The following PARVA variants were observed in gnomAD, a reference collection of about 807,000 sequenced individuals.
PARVA encodes the protein parvin alpha.
A neutral mutation model predicts 52.6 loss-of-function variants in PARVA; 25 were observed. The observed-to-expected ratio is 0.48, with a 90% CI of 0.35 to 0.66. PARVA has a LOEUF of 0.66. PARVA is among the 30% of genes least tolerant of loss of function. The pLI is 0.01. For missense variants in PARVA, 373 were observed against 450.9 expected, an observed-to-expected ratio of 0.83 and a Z score of 1.56; for synonymous variants, 185 against 179.1, an observed-to-expected ratio of 1.03 and a Z score of -0.26.
At chr11:12,456,584 T>G (rs1007772890) in intron 1 of PARVA, among the ~76,000 whole-genome samples, 3 of 152,082 alleles carry the variant, frequency 2.0e-5, no homozygotes, top group Non-Finnish European at 4.4e-5. Context: ...TGGCCCTGAC[T>G]TAACTCTCTA....
intron 4 of PARVA, among the ~76,000 whole-genome samples, chr11:12,491,597 CA>C (rs1350235593): frequency 6.6e-6 from 1 of 151,876 alleles, no homozygotes; most frequent in Non-Finnish European, 1.5e-5. Context: ...GACTTTAAGG[CA>C]AAAGGCATTA....
intron 12 of PARVA, among the ~76,000 whole-genome samples, chr11:12,526,079 G>A (rs374360567): frequency 8.5e-5 from 13 of 152,204 alleles, no homozygotes; most frequent in Non-Finnish European, 1.2e-4. Flanking sequence ...AGGCAGGAGC[G>A]GGCACAGGGA....
At chr11:12,421,742 T>C (rs1448201115) in intron 1 of PARVA, among the ~76,000 whole-genome samples, 1 of 152,230 alleles carries the variant, frequency 6.6e-6, no homozygotes, top group African/African-American at 2.4e-5. Context: ...TGAATTGCAA[T>C]TGTGCAAATA....
intron 1 of PARVA, among the ~76,000 whole-genome samples, chr11:12,467,953 T>G (rs150422007): frequency 1.0e-3 from 152 of 152,350 alleles, no homozygotes; most frequent in African/African-American, 3.6e-3. Context: ...TTCCCTGTGC[T>G]CAGACATAAT....
chr11:12,498,035 C>T (rs1564862828), intron 5 of PARVA, among the ~76,000 whole-genome samples: 2 of 152,036 alleles, frequency 1.3e-5, no homozygotes, highest in Admixed American at 6.6e-5. Flanking sequence ...TCTTTTATTA[C>T]TATTATTATT....
chr11:12,487,788 AAG>A lies in PARVA; in HGVS notation c.401-8669_401-8668del, dbSNP rs1387874046. Among the ~76,000 whole-genome samples the A allele has an allele frequency of 5.3e-5, 8 of 152,336 alleles. No homozygotes were observed. The East Asian group carries it at 1.3e-3, about 26-fold the overall frequency. ...TCTAAAATGTCTTACTACATAGAAA[AAG>A]GCATGGTAGAGAACGACTGTGTGTG... On this transcript the variant is annotated intron_variant, in intron 4 of 12. Coordinates refer to ENST00000334956, the MANE Select transcript of PARVA (RefSeq NM_018222.5).
At chr11:12,377,413 C>G, upstream of PARVA, 1 of 1,369,882 alleles carries the variant, frequency 7.3e-7, no homozygotes, top group South Asian at 1.7e-5. Context: ...TGGGGCAACC[C>G]AGGGGCGCAA....
intron 1 of PARVA, among the ~76,000 whole-genome samples, chr11:12,406,621 A>G (rs1482983226): frequency 8.6e-6 from 1 of 115,644 alleles, no homozygotes; most frequent in South Asian, 2.7e-4. Context: ...CTCATGATTT[A>G]TTTAAAATTT....
At chr11:12,448,473 A>C (rs1362859918) in intron 1 of PARVA, among the ~76,000 whole-genome samples, 2 of 152,214 alleles carry the variant, frequency 1.3e-5, no homozygotes, top group African/African-American at 2.4e-5. Context: ...GTAGCTCCAG[A>C]CATTGGGTAA....
chr11:12,491,958 A>T lies in PARVA; in HGVS notation c.401-4500A>T, dbSNP rs187027106. On this transcript the variant is annotated intron_variant, in intron 4 of 12. Coordinates refer to ENST00000334956, the MANE Select transcript of PARVA (RefSeq NM_018222.5). ...CAAATCTCAACAAATTAGCATACAG[A>T]CCAAATTCTCTGACTACAATGCAAG... Among the ~76,000 whole-genome samples, 31 of 152,324 alleles carry T rather than the reference A, an allele frequency of 2.0e-4. No homozygotes were observed. The East Asian group carries it at 5.6e-3, about 27-fold the overall frequency.
At chr11:12,387,571 G>GTGTA (rs1272909705) in intron 1 of PARVA, among the ~76,000 whole-genome samples, 1 of 151,728 alleles carries the variant, frequency 6.6e-6, no homozygotes, top group East Asian at 1.9e-4. Context: ...GTGTGTGTGT[G>GTGTA]TGTATGTAGC....
chr11:12,397,811 G>A (rs1023020117), intron 1 of PARVA, among the ~76,000 whole-genome samples: 22 of 149,296 alleles, frequency 1.5e-4, no homozygotes, highest in African/African-American at 4.3e-4. Context: ...CATTTTCTGG[G>A]GGAAGGTCTT....
At chr11:12,383,994 C>T (rs961033985) in intron 1 of PARVA, among the ~76,000 whole-genome samples, 2 of 152,080 alleles carry the variant, frequency 1.3e-5, no homozygotes, top group African/African-American at 4.8e-5. Context: ...CTTCAAGTTC[C>T]CTTTCTACCA....
At chr11:12,415,609 T>C (rs999442733) in intron 1 of PARVA, among the ~76,000 whole-genome samples, 5 of 152,230 alleles carry the variant, frequency 3.3e-5, no homozygotes, top group Non-Finnish European at 2.9e-5. Context: ...GAGCCTAAGA[T>C]GTTTTCTGGA....
intron 1 of PARVA, among the ~76,000 whole-genome samples, chr11:12,441,715 GA>G (rs1197764057): frequency 6.6e-6 from 1 of 152,152 alleles, no homozygotes; most frequent in Non-Finnish European, 1.5e-5. Flanking sequence ...TTATGACTCA[GA>G]GAGAGGTCAC....
intron 5 of PARVA, among the ~76,000 whole-genome samples, chr11:12,503,622 C>G (rs374672050): frequency 6.6e-6 from 1 of 152,078 alleles, no homozygotes; most frequent in Admixed American, 6.5e-5. Flanking sequence ...GTCCCAGCTA[C>G]TCCACAGAGG....
rs564668061 is a variant in PARVA, at chr11:12,429,126, G to A, written c.137-44619G>A. On this transcript the variant is annotated intron_variant, in intron 1 of 12. Transcript: ENST00000334956. ...TTCCCAAGTAGCTGGGACCACAGGT[G>A]CACATCACCATGCCCAGTTAATTTT... Among the ~76,000 whole-genome samples, 16 of 152,262 alleles carry A rather than the reference G, an allele frequency of 1.1e-4. 1 individual carries two copies. The South Asian group carries it at 3.3e-3, about 32-fold the overall frequency.
intron 4 of PARVA, 89 bp from the exon 5 acceptor site, chr11:12,496,369 T>G: frequency 2.0e-5 from 28 of 1,370,990 alleles, no homozygotes; most frequent in Non-Finnish European, 2.8e-5. Flanking sequence ...CATGAGTGCA[T>G]GAGAGACCGA....
rs1941734198 is a variant in PARVA at position 12,528,614 on chromosome 11, G to C, written c.*689G>C. On this transcript the variant is annotated 3_prime_UTR_variant, in exon 13 of 13. Coordinates refer to ENST00000334956, the MANE Select transcript of PARVA (RefSeq NM_018222.5). ...ATGTTCTAAAGTTGTGTATGTGTGT[G>C]CACATCTGAGCACGTGCACATGTAC... is the stretch of plus-strand genomic sequence containing the variant. 1.3e-5 allele frequency: 2 copies of C among 152,626 alleles called. No individual in the cohort carries two copies. Among genetic ancestry groups the C allele is most frequent in the Admixed American group, 6.5e-5 (1 of 15,276 alleles). The allele number at this position is 152,626 out of a possible 1,614,324, so 9.5% of individuals were successfully genotyped here. A position where few individuals can be genotyped will look rare whatever the true frequency, so the allele number is the denominator to read the frequency against.
Sources: allele counts gnomAD v4.1 joint callset (sites outside exome capture counted in the v4.1 genomes callset), GRCh38; gene constraint gnomAD v4.1.1; transcripts MANE v1.5; gene names NCBI Gene and HGNC (gene_info 2026-07-23, HGNC 2026-07-21).